ADAM11: variants seen among roughly 807,000 people sequenced by gnomAD.
ADAM11 encodes the protein disintegrin and metalloproteinase domain-containing protein 11.
Under a neutral mutation model 119.1 loss-of-function variants are expected in ADAM11, and 49 were observed. The observed-to-expected ratio is 0.41, with a 90% CI of 0.33 to 0.52. ADAM11 has a LOEUF of 0.52. Among genes scored for constraint, ADAM11 ranks in the 20% least tolerant of loss-of-function variants. The pLI is 0.20. For synonymous variants in ADAM11, 364 were observed against 408.0 expected, an observed-to-expected ratio of 0.89 and a Z score of 1.30; for missense variants, 777 against 1,047.5, an observed-to-expected ratio of 0.74 and a Z score of 3.56.
At chr17:44,761,134 C>T (rs2049384133) in intron 2 of ADAM11, among the ~76,000 whole-genome samples, 1 of 151,894 alleles carries the variant, frequency 6.6e-6, no homozygotes, top group African/African-American at 2.4e-5. Context: ...GTCTGGCTGT[C>T]TTGCCTGGTG....
Position 44,772,197 on chromosome 17 carries a change from C to T in ADAM11, c.544-70C>T. 1 of 1,442,504 alleles carries T rather than the reference C, an allele frequency of 6.9e-7. No individual in the cohort carries two copies. The highest frequency in any genetic ancestry group is 1.2e-5 in the South Asian group (1 of 81,094). 89.4% of individuals were successfully genotyped at this position (1,442,504 alleles called of 1,614,324 possible). A position where few individuals can be genotyped will look rare whatever the true frequency, so the allele number is the denominator to read the frequency against. ...GGTGGGGTGGAGGCGAGGGCTGGAT[C>T]TGGCCCCCGCCAAGTGGGCCTGGAG... On this transcript the variant is annotated intron_variant, in intron 6 of 26. Coordinates refer to ENST00000200557, the MANE Select transcript of ADAM11 (RefSeq NM_002390.6). This position sits in a 1 kb window ranked among gnomAD's most constrained non-coding sequence, Gnocchi z 4.5.
At chr17:44,767,642 G>GCCAGGC in intron 2 of ADAM11, among the ~76,000 whole-genome samples, 1 of 152,178 alleles carries the variant, frequency 6.6e-6, no homozygotes, top group East Asian at 1.9e-4. Flanking sequence ...GCCACCTCCA[G>GCCAGGC]CCAGGCCCAG....
rs1598879033 is a variant in ADAM11, at chr17:44,759,137, T to C, written c.-63T>C. 4 of 454,962 alleles carry C rather than the reference T, an allele frequency of 8.8e-6. No homozygotes were observed. The highest frequency in any genetic ancestry group is 1.1e-5 in the Non-Finnish European group (4 of 377,302). 28.2% of individuals were successfully genotyped at this position (454,962 alleles called of 1,614,324 possible). A position where few individuals can be genotyped will look rare whatever the true frequency, so the allele number is the denominator to read the frequency against. Reference sequence around the variant, plus strand: ...GCTGGCGCCTCCCCACCCCCGTCCCTGCTCCCGCCCTCCCCGCGCCGCTGG... The same window carrying C: ...GCTGGCGCCTCCCCACCCCCGTCCCCGCTCCCGCCCTCCCCGCGCCGCTGG... On this transcript the variant is annotated 5_prime_UTR_variant, in exon 1 of 27. Transcript: ENST00000200557.
Position 44,778,082 on chromosome 17 carries a change from G to C in ADAM11, c.2185+16G>C. 1 of 1,608,956 alleles carries C rather than the reference G, an allele frequency of 6.2e-7. No individual in the cohort carries two copies. Among genetic ancestry groups the C allele is most frequent in the Non-Finnish European group, 8.5e-7 (1 of 1,177,726 alleles). ...AGATATAAAGGTGAGGCTGGAGCTG[G>C]CCGAGGGGGGTCTGTCTGTCCTGCT... On this transcript the variant is annotated intron_variant, in intron 24 of 26. Coordinates refer to ENST00000200557, the MANE Select transcript of ADAM11 (RefSeq NM_002390.6).
At position 44,771,579 on chromosome 17, in the gene ADAM11, T is replaced by C; in HGVS notation, c.382-5T>C. 6.2e-7 allele frequency: 1 copy of C among 1,611,212 alleles called. No individual in the cohort carries two copies. The highest frequency in any genetic ancestry group is 8.5e-7 in the Non-Finnish European group (1 of 1,179,494). On this transcript the variant is annotated splice_polypyrimidine_tract_variant and splice_region_variant and intron_variant, in intron 4 of 26. Coordinates refer to ENST00000200557, the MANE Select transcript of ADAM11 (RefSeq NM_002390.6). ...AGCGTTCTGCTCACTGTTCTGCTCC[T>C]TCAGGGGGCTGGAGACCACTGCTAC...
intron 2 of ADAM11, among the ~76,000 whole-genome samples, chr17:44,768,011 C>T (rs2049471949): frequency 6.6e-6 from 1 of 152,224 alleles, no homozygotes; most frequent in Admixed American, 6.5e-5. Context: ...CTCATCTGAC[C>T]ATTTTCAGTG....
chr17:44,775,074 TG>T lies in ADAM11; in HGVS notation c.1221-136del. ...GCGACAGGGACAGGCGGGAGGATTCTGGTGCAATCCCGGGGCAGATCCTCCG... is the reference window on the plus strand; with the variant it reads ...GCGACAGGGACAGGCGGGAGGATTCTGTGCAATCCCGGGGCAGATCCTCCG... On this transcript the variant is annotated intron_variant, in intron 14 of 26. Transcript: ENST00000200557. This position sits in a 1 kb window ranked among gnomAD's most constrained non-coding sequence, Gnocchi z 7.5. 1 of 789,046 alleles carries T rather than the reference TG, an allele frequency of 1.3e-6. No homozygotes were observed. Among genetic ancestry groups the T allele is most frequent in the Non-Finnish European group, 2.1e-6 (1 of 485,054 alleles). The allele number at this position is 789,046 out of a possible 1,614,324, so 48.9% of individuals were successfully genotyped here.
chr17:44,778,387 C>A, intron 25 of ADAM11, 145 bp downstream of exon 25: 1 of 833,958 alleles, frequency 1.2e-6, no homozygotes, highest in Non-Finnish European at 1.8e-6. Flanking sequence ...CAGGGCTTAA[C>A]ATTTAGAAAC....
In ADAM11 at chr17:44,776,817, C is replaced by A; in HGVS notation, c.1617+22C>A. 1.9e-6 allele frequency: 3 copies of A among 1,614,080 alleles called. No homozygotes were observed. The highest frequency in any genetic ancestry group is 1.7e-6 in the Non-Finnish European group (2 of 1,179,930). On this transcript the variant is annotated intron_variant, in intron 19 of 26. Transcript: ENST00000200557. The surrounding 1 kb of genome is among the most constrained non-coding windows in gnomAD (Gnocchi z 5.2). ...GCAGGTATGATGGCTGCCCCCTGAG[C>A]CTGGGATTCAGGGCAGTCTCTTGTC...
In ADAM11 at chr17:44,773,005, C is replaced by G; in HGVS notation, c.754-9C>G. The G allele has an allele frequency of 3.1e-6, 5 of 1,614,148 alleles. No homozygotes were observed. The highest frequency in any genetic ancestry group is 4.2e-6 in the Non-Finnish European group (5 of 1,180,022). On this transcript the variant is annotated splice_polypyrimidine_tract_variant and intron_variant, in intron 9 of 26. Coordinates refer to ENST00000200557, the MANE Select transcript of ADAM11 (RefSeq NM_002390.6). The surrounding 1 kb of genome is among the most constrained non-coding windows in gnomAD (Gnocchi z 4.6). The stretch of plus-strand genomic sequence containing the variant: ...AGCCTGGCCCTCCTCCCATTCTTCT[C>G]TCTCCCAGTTCGAGCAGATGCGACA...
At position 44,770,062 on chromosome 17, in the gene ADAM11, C is replaced by A. The variant is rs779806505; in HGVS notation, c.381+14C>A. The A allele has an allele frequency of 1.3e-5, 21 of 1,613,728 alleles. No individual in the cohort carries two copies. Among genetic ancestry groups the A allele is most frequent in the Middle Eastern group, 1.7e-4 (1 of 6,056 alleles). ...CAGCACAGCACCGTGAGTGCCACTG[C>A]AGGGGACCGGGGCCGGGGATGGAAG... is the stretch of plus-strand genomic sequence containing the variant. On this transcript the variant is annotated intron_variant, in intron 4 of 26. Coordinates refer to ENST00000200557, the MANE Select transcript of ADAM11 (RefSeq NM_002390.6).
Position 44,776,302 on chromosome 17 carries a change from CCT to C in ADAM11, c.1566+99_1566+100del. On this transcript the variant is annotated intron_variant, in intron 18 of 26. Coordinates refer to ENST00000200557, the MANE Select transcript of ADAM11 (RefSeq NM_002390.6). The surrounding 1 kb of genome is among the most constrained non-coding windows in gnomAD (Gnocchi z 5.2). ...CCGGACGAGTGCTCAGCACTCCCCT[CCT>C]CTCCACAGCTGGCATCGACCTCCAC... 2 of 1,325,634 alleles carry C rather than the reference CCT, an allele frequency of 1.5e-6. No homozygotes were observed. The highest frequency in any genetic ancestry group is 2.1e-6 in the Non-Finnish European group (2 of 931,784). The allele number at this position is 1,325,634 out of a possible 1,614,324, so 82.1% of individuals were successfully genotyped here.
chr17:44,779,156 C>G, intron 25 of ADAM11, 66 bp from the exon 26 acceptor site: 1 of 1,561,466 alleles, frequency 6.4e-7, no homozygotes, highest in Non-Finnish European at 8.6e-7. Context: ...AAAGGCCCCT[C>G]CCTGAGAGAA....
At position 44,772,601 on chromosome 17, in the gene ADAM11, C is replaced by A; in HGVS notation, c.678+135C>A. The A allele has an allele frequency of 8.2e-7, 1 of 1,223,056 alleles. No individual in the cohort carries two copies. The highest frequency in any genetic ancestry group is 1.1e-6 in the Non-Finnish European group (1 of 880,090). 75.8% of individuals were successfully genotyped at this position (1,223,056 alleles called of 1,614,324 possible). ...AGGCTCAGATGGATGTGGCTGGGGG[C>A]CAGGGACCGTGTCTGGGAGAAGCCC... On this transcript the variant is annotated intron_variant, in intron 8 of 26. Coordinates refer to ENST00000200557, the MANE Select transcript of ADAM11 (RefSeq NM_002390.6). This position sits in a 1 kb window ranked among gnomAD's most constrained non-coding sequence, Gnocchi z 4.5.
intron 2 of ADAM11, among the ~76,000 whole-genome samples, chr17:44,765,411 A>G (rs573681956): frequency 6.6e-6 from 1 of 152,212 alleles, no homozygotes; most frequent in South Asian, 2.1e-4. Flanking sequence ...CCAGATCTGG[A>G]GCATAAGGCT....
chr17:44,770,174 C>A (rs575235475), intron 4 of ADAM11, 126 bp downstream of exon 4: 328 of 1,156,022 alleles, frequency 2.8e-4, no homozygotes, highest in Non-Finnish European at 4.0e-4. Flanking sequence ...CCCCTCAGCA[C>A]CTTCCCTCTC....
At position 44,777,559 on chromosome 17, in the gene ADAM11, G is replaced by A; in HGVS notation, c.1859G>A (p.Ser620Asn). ...CTAGGGGACCTGGTGGGAGACATCAGTAGTGTCACCTTCTACCACCAGGGC... is the reference window on the plus strand; with the variant it reads ...CTAGGGGACCTGGTGGGAGACATCAATAGTGTCACCTTCTACCACCAGGGC... ...PRLGDLVGDI[S>N]SVTFYHQGKE... The change falls in exon 22 of 27, where the codon AGT becomes AAT. Residue 620 changes from serine to asparagine, a missense_variant. Physicochemically the swap from Ser to Asn is conservative, Grantham distance 46 (BLOSUM62 1). This residue lies in a region of ADAM11 where 348 missense variants were observed against 486.7 expected (regional missense o/e 0.72). Transcript: ENST00000200557. This position sits in a 1 kb window ranked among gnomAD's most constrained non-coding sequence, Gnocchi z 5.1. The A allele has an allele frequency of 6.2e-7, 1 of 1,614,192 alleles. No individual in the cohort carries two copies. The highest frequency in any genetic ancestry group is 8.5e-7 in the Non-Finnish European group (1 of 1,180,030).
rs964626516 is a variant in ADAM11 at position 44,779,831 on chromosome 17, G to T, written c.*77G>T. On this transcript the variant is annotated 3_prime_UTR_variant, in exon 27 of 27. Coordinates refer to ENST00000200557, the MANE Select transcript of ADAM11 (RefSeq NM_002390.6). Reference sequence around the variant, plus strand: ...ACGAGGCTGCCCCCATCCAGCCACGGAGGGAGGCACCATGCAAATGTCTTC... The same window carrying T: ...ACGAGGCTGCCCCCATCCAGCCACGTAGGGAGGCACCATGCAAATGTCTTC... The T allele has an allele frequency of 6.4e-7, 1 of 1,567,768 alleles. No individual in the cohort carries two copies. The highest frequency in any genetic ancestry group is 8.8e-7 in the Non-Finnish European group (1 of 1,140,176).
rs184152074 is a variant in ADAM11 at position 44,760,436 on chromosome 17, A to G, written c.237+539A>G. Among the ~76,000 whole-genome samples, 865 of 152,366 alleles carry G rather than the reference A, an allele frequency of 5.7e-3. 10 individuals carry two copies. Among genetic ancestry groups the G allele is most frequent in the African/African-American group, 0.02 (835 of 41,582 alleles). On this transcript the variant is annotated intron_variant, in intron 2 of 26. Transcript: ENST00000200557. The stretch of plus-strand genomic sequence containing the variant: ...GCCTTGGAAAATAACTTGAGGCCCC[A>G]AGCCAGCTCTACCTGCCTGCCCACT...
Sources: allele counts gnomAD v4.1 joint callset (sites outside exome capture counted in the v4.1 genomes callset), GRCh38; gene constraint gnomAD v4.1.1; regional missense constraint gnomAD v4.1.1; non-coding constraint Gnocchi (gnomAD v3.1); transcripts MANE v1.5; gene names NCBI Gene and HGNC (gene_info 2026-07-23, HGNC 2026-07-21).